The following SCAF8 variants were observed in gnomAD, a reference collection of about 807,000 sequenced individuals.
SCAF8 encodes the protein SR-related CTD associated factor 8, also known as SR-related and CTD-associated factor 8.
SCAF8 carries 23 observed loss-of-function variants against 140.5 expected under a neutral mutation model. The ratio of observed to expected loss-of-function variants is 0.16; its 90% CI spans 0.12 to 0.23. The LOEUF (loss-of-function observed/expected upper bound fraction) is 0.23. Among genes scored for constraint, SCAF8 ranks in the 10% least tolerant of loss-of-function variants. The pLI is 1.00. For synonymous variants in SCAF8, 575 were observed against 528.9 expected (o/e 1.09, Z -1.20); for missense variants, 1,397 against 1,555.7 (o/e 0.90, Z 1.72).
chr6:154,794,945 C>CT, intron 5 of SCAF8, 64 bp from the exon 6 acceptor site: 6 of 1,417,926 alleles, frequency 4.2e-6, no homozygotes, highest in Non-Finnish European at 5.7e-6. Context: ...AGTTATTCTG[C>CT]TTTTTCTAGT....
chr6:154,825,639 G>A (rs1349678469), intron 17 of SCAF8, among the ~76,000 whole-genome samples: 1 of 134,334 alleles, frequency 7.4e-6, no homozygotes, highest in Non-Finnish European at 1.5e-5. Flanking sequence ...ATGGATGACA[G>A]AGTGAGACCT....
At chr6:154,823,684 A>T (rs1041854134) in intron 16 of SCAF8, among the ~76,000 whole-genome samples, 1 of 152,230 alleles carries the variant, frequency 6.6e-6, no homozygotes, top group Non-Finnish European at 1.5e-5. Flanking sequence ...CAGTTGTTTC[A>T]TACATGTTGT....
At chr6:154,777,826 A>G (rs1776961143) in intron 2 of SCAF8, among the ~76,000 whole-genome samples, 175 bp from the exon 3 acceptor site, 1 of 152,240 alleles carries the variant, frequency 6.6e-6, no homozygotes, top group Admixed American at 6.5e-5. Context: ...TTTACTAATT[A>G]TATAGCACAG....
intron 1 of SCAF8, among the ~76,000 whole-genome samples, chr6:154,773,768 C>T (rs576527949): frequency 6.6e-6 from 1 of 152,316 alleles, no homozygotes; most frequent in African/African-American, 2.4e-5. Flanking sequence ...TCCTTGCTTA[C>T]ACTTGTTACT....
chr6:154,767,529 CTTTTTTTTTTTTTT>C (rs71021076), intron 1 of SCAF8, among the ~76,000 whole-genome samples: 4 of 91,022 alleles, frequency 4.4e-5, no homozygotes, highest in Non-Finnish European at 4.4e-5. Context: ...CTTCTGTTAT[CTTTTTTTTTTTTTT>C]TTTTTTTTTT....
At chr6:154,742,662 C>T (rs1314429407) in intron 1 of SCAF8, among the ~76,000 whole-genome samples, 2 of 152,222 alleles carry the variant, frequency 1.3e-5, no homozygotes, top group Admixed American at 6.5e-5. Context: ...TACAGCCATC[C>T]TTTAAACTTA....
chr6:154,822,462 T>G, intron 16 of SCAF8, 53 bp downstream of exon 16: 8 of 1,536,080 alleles, frequency 5.2e-6, no homozygotes, highest in Non-Finnish European at 7.0e-6. Flanking sequence ...CATTTCTGTT[T>G]TTAATCATGT....
chr6:154,824,149 A>G, intron 16 of SCAF8, 85 bp from the exon 17 acceptor site: 1 of 1,372,946 alleles, frequency 7.3e-7, no homozygotes, highest in South Asian at 1.3e-5. Context: ...CCATCCTGAA[A>G]GAGAAATAGA....
chr6:154,810,101 G>C lies in SCAF8; in HGVS notation c.1313G>C (p.Arg438Thr). The C allele has an allele frequency of 6.2e-7, 1 of 1,613,962 alleles. No homozygotes were observed. The highest frequency in any genetic ancestry group is 8.5e-7 in the Non-Finnish European group (1 of 1,179,938). ...CGATCACGCTCCCGCTCAAGAGAAA[G>C]AAAGAGGAAATCATCACGGTCGTAT... ...RKRSRSRSRE[R>T]KRKSSRSYSS... is the part of the protein sequence containing the mutation. Residue 438 changes from arginine (R) to threonine (T), a missense_variant, in exon 12 of 20, where the codon AGA becomes ACA. By Grantham distance (71) the Arg-to-Thr change is moderately conservative. This residue lies in a region of SCAF8 where 339 missense variants were observed against 407.5 expected (regional missense o/e 0.83). Transcript: ENST00000367178.
chr6:154,788,287 G>A (rs564887909), intron 4 of SCAF8, among the ~76,000 whole-genome samples: 107 of 152,238 alleles, frequency 7.0e-4, no homozygotes, highest in Admixed American at 1.2e-3. Context: ...TGTAGTCTAG[G>A]AGCAATGGAA....
chr6:154,764,067 T>C (rs72993418), intron 1 of SCAF8, among the ~76,000 whole-genome samples: 3,299 of 152,264 alleles, frequency 0.022, 39 homozygotes, highest in African/African-American at 0.025. Flanking sequence ...AAAGATTCCT[T>C]AAACCTCGAG....
chr6:154,769,800 TAAC>T (rs1776684609), intron 1 of SCAF8, among the ~76,000 whole-genome samples: 1 of 152,222 alleles, frequency 6.6e-6, no homozygotes, highest in South Asian at 2.1e-4. Context: ...TGTTCATTCT[TAAC>T]AAATATCTAT....
At chr6:154,755,739 A>G (rs998283841) in intron 1 of SCAF8, among the ~76,000 whole-genome samples, 1 of 152,218 alleles carries the variant, frequency 6.6e-6, no homozygotes, top group Non-Finnish European at 1.5e-5. Flanking sequence ...GATGCTGTGA[A>G]ACGGGAAGAT....
rs756904399 is a variant in SCAF8, at chr6:154,833,302, A to G, written c.3723A>G (p.Thr1241=). 5.6e-6 allele frequency: 9 copies of G among 1,613,926 alleles called. No homozygotes were observed. The highest frequency in any genetic ancestry group is 4.0e-5 in the African/African-American group (3 of 74,936). The part of the protein sequence containing the change: ...QNDPELYEKL[T]SSNEINKEKS... Reference sequence around the variant, plus strand: ...ATCCTGAACTTTATGAAAAACTGACATCTTCAAATGAAATAAACAAGGAGA... The same window carrying G: ...ATCCTGAACTTTATGAAAAACTGACGTCTTCAAATGAAATAAACAAGGAGA... The change falls in exon 20 of 20, where the codon ACA becomes ACG. Residue 1241 remains threonine (T), a synonymous_variant. Transcript: ENST00000367178.
chr6:154,773,725 C>G (rs1323402258), intron 1 of SCAF8, among the ~76,000 whole-genome samples: 3 of 152,138 alleles, frequency 2.0e-5, no homozygotes, highest in Non-Finnish European at 4.4e-5. Flanking sequence ...TACGTTCCCA[C>G]CAGTATTGTA....
At chr6:154,765,590 G>A (rs1247261864) in intron 1 of SCAF8, among the ~76,000 whole-genome samples, 1 of 152,154 alleles carries the variant, frequency 6.6e-6, no homozygotes, top group Non-Finnish European at 1.5e-5. Flanking sequence ...ATATCAGCAA[G>A]ATCCCTAGAA....
At position 154,822,560 on chromosome 6, in the gene SCAF8, A is replaced by T. The variant is rs1411319336; in HGVS notation, c.1926+151A>T. 1.7e-5 allele frequency: 12 copies of T among 697,422 alleles called. No individual in the cohort carries two copies. The East Asian group carries it at 3.2e-4, about 18-fold the overall frequency. 43.2% of individuals were successfully genotyped at this position (697,422 alleles called of 1,614,324 possible). On this transcript the variant is annotated intron_variant, in intron 16 of 19. Coordinates refer to ENST00000367178, the MANE Select transcript of SCAF8 (RefSeq NM_014892.5). ...AGGGAAAAGAATATTTCTTTTAAATAAAAAAAAAGTCTGCTAATGCTGTGG... is the reference window on the plus strand; with the variant it reads ...AGGGAAAAGAATATTTCTTTTAAATTAAAAAAAAGTCTGCTAATGCTGTGG...
At chr6:154,758,329 C>T (rs540881246) in intron 1 of SCAF8, among the ~76,000 whole-genome samples, 54 of 152,262 alleles carry the variant, frequency 3.5e-4, no homozygotes, top group African/African-American at 1.2e-3. Flanking sequence ...CGTCAGGATG[C>T]GAGTTCTGTC....
At chr6:154,794,778 GGGGTGTGTGTGTGTGTGTGTGTGTGTGT>G (rs1777543541) in intron 5 of SCAF8, among the ~76,000 whole-genome samples, 6 of 68,532 alleles carry the variant, frequency 8.8e-5, no homozygotes, top group African/African-American at 2.9e-4. Context: ...GGGGGTGTGG[GGGGTGTGTGTGTGTGTGTGTGTGTGTGT>G]GTGTGTGTGT....
Sources: gnomAD v4.1 joint callset for allele counts (sites outside exome capture counted in the v4.1 genomes callset) on GRCh38, gnomAD v4.1.1 for gene constraint, gnomAD v4.1.1 regional missense constraint, MANE v1.5 for transcripts, NCBI Gene and HGNC (gene_info 2026-07-23, HGNC 2026-07-21) for gene names.